GABRB1: variants seen among roughly 807,000 people sequenced by gnomAD.
The protein encoded by GABRB1 is gamma-aminobutyric acid type A receptor subunit beta1.
Under a neutral mutation model 51.6 loss-of-function variants are expected in GABRB1, and 17 were observed. The ratio of observed to expected loss-of-function variants is 0.33; its 90% CI spans 0.23 to 0.49. The LOEUF (loss-of-function observed/expected upper bound fraction) is 0.49, where lower values mean the gene tolerates loss of function less well. GABRB1 is among the 20% of genes least tolerant of loss of function. The pLI, the probability that GABRB1 is intolerant of heterozygous loss-of-function variation, is 0.99. For missense variants in GABRB1, 410 were observed against 600.6 expected, an observed-to-expected ratio of 0.68 and a Z score of 3.32; for synonymous variants, 247 against 218.9, an observed-to-expected ratio of 1.13 and a Z score of -1.14.
At chr4:47,285,820 C>G (rs1182267489) in intron 4 of GABRB1, among the ~76,000 whole-genome samples, 2 of 152,128 alleles carry the variant, frequency 1.3e-5, no homozygotes, top group South Asian at 2.1e-4. Context: ...AATTGTTTGA[C>G]TTTTTGAAGA....
rs10525795 is a variant in GABRB1, at chr4:47,155,916, CATAT to C, written c.241-5306_241-5303del. ...TACTCATACTAAAAAGAGGTATTTTCATATATATATATATATATATATATATATA... is the reference window on the plus strand; with the variant it reads ...TACTCATACTAAAAAGAGGTATTTTCATATATATATATATATATATATATA... On this transcript the variant is annotated intron_variant, in intron 3 of 8. Coordinates refer to ENST00000295454, the MANE Select transcript of GABRB1 (RefSeq NM_000812.4). Among the ~76,000 whole-genome samples, 203 of 73,622 alleles carry C rather than the reference CATAT, an allele frequency of 2.8e-3. 15 individuals carry two copies. The highest frequency in any genetic ancestry group is 5.7e-3 in the Admixed American group (27 of 4,710). 48.3% of individuals were successfully genotyped at this position (73,622 alleles called of 152,430 possible).
At chr4:47,175,205 T>C (rs1718629884) in intron 4 of GABRB1, among the ~76,000 whole-genome samples, 1 of 150,864 alleles carries the variant, frequency 6.6e-6, no homozygotes, top group African/African-American at 2.4e-5. Flanking sequence ...TCTTTCTTTC[T>C]TTCTTTCTCT....
chr4:47,391,227 A>G (rs1727981341), intron 5 of GABRB1, among the ~76,000 whole-genome samples: 1 of 152,064 alleles, frequency 6.6e-6, no homozygotes, highest in Middle Eastern at 3.4e-3. Flanking sequence ...TTTTCCCCAA[A>G]TCATCTGTAA....
chr4:46,996,069 G>T (rs1322717602), intron 1 of GABRB1, among the ~76,000 whole-genome samples: 2 of 120,760 alleles, frequency 1.7e-5, no homozygotes, highest in Non-Finnish European at 3.6e-5. Context: ...GCTAACTTGA[G>T]GTTTTTTTTT....
At chr4:47,139,978 A>C (rs1716853136) in intron 3 of GABRB1, among the ~76,000 whole-genome samples, 1 of 152,036 alleles carries the variant, frequency 6.6e-6, no homozygotes, top group Non-Finnish European at 1.5e-5. Context: ...AATCTATGGA[A>C]AAATGAAGAT....
intron 1 of GABRB1, among the ~76,000 whole-genome samples, chr4:47,008,880 TTTG>T (rs1724499454): frequency 7.8e-6 from 1 of 127,990 alleles, no homozygotes; most frequent in African/African-American, 3.0e-5. Context: ...TTTTTTTTTT[TTTG>T]AGACGAGTCT....
At chr4:47,018,197 T>C (rs769730949) in intron 1 of GABRB1, among the ~76,000 whole-genome samples, 9 of 151,620 alleles carry the variant, frequency 5.9e-5, no homozygotes, top group African/African-American at 1.5e-4. Flanking sequence ...TCTTTCTTTT[T>C]TTTTTGGTTT....
intron 1 of GABRB1, among the ~76,000 whole-genome samples, chr4:46,997,570 T>C (rs915631670): frequency 6.6e-6 from 1 of 152,098 alleles, no homozygotes; most frequent in Non-Finnish European, 1.5e-5. Flanking sequence ...TATTTATAGA[T>C]TCCACAAATA....
chr4:47,123,679 T>A (rs1264641694), intron 3 of GABRB1, among the ~76,000 whole-genome samples: 6 of 74,358 alleles, frequency 8.1e-5, no homozygotes, highest in African/African-American at 2.2e-4. Context: ...ATATGATATA[T>A]CATATATATG....
chr4:47,185,727 T>C (rs1719150077), intron 4 of GABRB1, among the ~76,000 whole-genome samples: 1 of 151,872 alleles, frequency 6.6e-6, no homozygotes, highest in Non-Finnish European at 1.5e-5. Context: ...CTCACAAGAT[T>C]TTCATATTAT....
intron 4 of GABRB1, among the ~76,000 whole-genome samples, chr4:47,165,538 GT>G (rs1190320312): frequency 1.3e-5 from 2 of 152,244 alleles, no homozygotes; most frequent in East Asian, 3.9e-4. Flanking sequence ...TGCTTTAAGA[GT>G]AATGACTGAC....
chr4:47,354,384 G>A (rs1726475366), intron 5 of GABRB1, among the ~76,000 whole-genome samples: 1 of 152,114 alleles, frequency 6.6e-6, no homozygotes, highest in Non-Finnish European at 1.5e-5. Context: ...AACTTGGCTT[G>A]TTTCCCATTA....
intron 3 of GABRB1, among the ~76,000 whole-genome samples, chr4:47,099,381 T>C (rs1179085632): frequency 1.3e-5 from 2 of 151,480 alleles, no homozygotes; most frequent in African/African-American, 4.8e-5. Context: ...GACTTTTCAT[T>C]ACTCCATTTT....
intron 4 of GABRB1, among the ~76,000 whole-genome samples, chr4:47,197,764 ATG>A (rs1269633331): frequency 6.6e-6 from 1 of 152,180 alleles, no homozygotes; most frequent in Non-Finnish European, 1.5e-5. Flanking sequence ...GAGAAAATGA[ATG>A]TTACTCTTTT....
At chr4:47,127,182 ATAT>A (rs1296208077) in intron 3 of GABRB1, among the ~76,000 whole-genome samples, 1 of 151,842 alleles carries the variant, frequency 6.6e-6, no homozygotes, top group African/African-American at 2.4e-5. Context: ...AATCTTTATA[ATAT>A]TAATAATGAG....
intron 4 of GABRB1, among the ~76,000 whole-genome samples, chr4:47,235,336 G>C (rs1411747745): frequency 1.3e-5 from 2 of 152,154 alleles, no homozygotes; most frequent in Non-Finnish European, 2.9e-5. Context: ...CAGATCACGA[G>C]GTCAGAAGTT....
chr4:47,341,259 A>G (rs1725883047), intron 5 of GABRB1, among the ~76,000 whole-genome samples: 1 of 152,196 alleles, frequency 6.6e-6, no homozygotes, highest in Non-Finnish European at 1.5e-5. Flanking sequence ...CAGTTCAGTT[A>G]TAAAAGCAAT....
At chr4:47,195,211 G>T (rs1319701604) in intron 4 of GABRB1, among the ~76,000 whole-genome samples, 1 of 151,912 alleles carries the variant, frequency 6.6e-6, no homozygotes, top group East Asian at 1.9e-4. Flanking sequence ...CTAAAAATAC[G>T]AAAAAATTAG....
At chr4:47,040,739 G>A (rs1725804617) in intron 3 of GABRB1, among the ~76,000 whole-genome samples, 1 of 152,144 alleles carries the variant, frequency 6.6e-6, no homozygotes, top group South Asian at 2.1e-4. Context: ...GATAGATCCT[G>A]AAGCCCATAA....
Sources: allele counts gnomAD v4.1 joint callset (sites outside exome capture counted in the v4.1 genomes callset), GRCh38; gene constraint gnomAD v4.1.1; transcripts MANE v1.5; gene names NCBI Gene and HGNC (gene_info 2026-07-23, HGNC 2026-07-21).